The following VSTM2A variants were observed in gnomAD, a reference collection of about 807,000 sequenced individuals.
VSTM2A encodes V-set and transmembrane domain containing 2A.
In VSTM2A, 13 loss-of-function variants were observed where a neutral mutation model predicts 27.3. The observed-to-expected ratio is 0.48, with a 90% confidence interval of 0.31 to 0.76. The LOEUF (loss-of-function observed/expected upper bound fraction) is 0.76, where lower values mean the gene tolerates loss of function less well. Ranked by LOEUF, VSTM2A falls within the 30% of genes least tolerant of loss-of-function variation. VSTM2A has a pLI of 0.05. For synonymous variants in VSTM2A, 142 were observed against 125.7 expected, an observed-to-expected ratio of 1.13 and a Z score of -0.87; for missense variants, 280 against 310.0, an observed-to-expected ratio of 0.90 and a Z score of 0.73.
chr7:54,545,990 G>A (rs1787948449), intron 2 of VSTM2A, among the ~76,000 whole-genome samples: 1 of 94,144 alleles, frequency 1.1e-5, no homozygotes, highest in Non-Finnish European at 2.1e-5. Flanking sequence ...GAGAGAGAAT[G>A]AGGGGGGAAG....
chr7:54,553,472 G>T (rs1486076072), intron 4 of VSTM2A, among the ~76,000 whole-genome samples: 5 of 152,012 alleles, frequency 3.3e-5, no homozygotes, highest in African/African-American at 4.8e-5. Context: ...ACTTTTTTTG[G>T]CTCTATTTGC....
At chr7:54,567,524 A>G (rs183762729) in intron 4 of VSTM2A, among the ~76,000 whole-genome samples, 1 of 152,204 alleles carries the variant, frequency 6.6e-6, no homozygotes, top group African/African-American at 2.4e-5. Flanking sequence ...TGAAGGGTTG[A>G]TTAATTAAGA....
chr7:54,544,534 T>C (rs1049281464), intron 1 of VSTM2A, 88 bp from the exon 2 acceptor site: 2 of 1,543,642 alleles, frequency 1.3e-6, no homozygotes, highest in African/African-American at 2.7e-5. Context: ...GCTATTTAAG[T>C]CCAGGAAAAA....
At chr7:54,564,406 GC>G (rs1348821362) in intron 4 of VSTM2A, among the ~76,000 whole-genome samples, 13 of 152,198 alleles carry the variant, frequency 8.5e-5, no homozygotes, top group Non-Finnish European at 1.5e-4. Flanking sequence ...GCCTAATGCT[GC>G]AGAACGATGC....
rs539528541 is a variant in VSTM2A, at chr7:54,542,577, T to C, written c.-154T>C. On this transcript the variant is annotated 5_prime_UTR_variant, in exon 1 of 5. Coordinates refer to ENST00000402613, the MANE Select transcript of VSTM2A (RefSeq NM_001301009.2). The stretch of plus-strand genomic sequence containing the variant: ...CTAACCTTCCAGAATCGCAATCCCT[T>C]CTCCCCACAGCCAGCCCTCGCCAAG... 1.3e-4 allele frequency: 89 copies of C among 663,910 alleles called. 1 individual carries two copies. The South Asian group carries it at 1.6e-3, about 12-fold the overall frequency. 41.1% of individuals were successfully genotyped at this position (663,910 alleles called of 1,614,324 possible). A position where few individuals can be genotyped will look rare whatever the true frequency, so the allele number is the denominator to read the frequency against.
At chr7:54,564,711 C>A (rs141680172) in intron 4 of VSTM2A, among the ~76,000 whole-genome samples, 13 of 152,148 alleles carry the variant, frequency 8.5e-5, no homozygotes, top group Non-Finnish European at 1.8e-4. Context: ...TGGGCCCAGA[C>A]TACCAAATTT....
chr7:54,542,884 G>A, intron 1 of VSTM2A, 75 bp downstream of exon 1: 2 of 1,389,902 alleles, frequency 1.4e-6, no homozygotes, highest in Non-Finnish European at 2.0e-6. Context: ...AGAATGGACA[G>A]GCAGATAGAA....
chr7:54,547,514 A>G (rs1213584642), intron 3 of VSTM2A, among the ~76,000 whole-genome samples: 1 of 152,178 alleles, frequency 6.6e-6, no homozygotes, highest in African/African-American at 2.4e-5. Flanking sequence ...AGCCAATATA[A>G]ATGTAAAACC....
chr7:54,545,229 C>T (rs1354806523), intron 2 of VSTM2A, among the ~76,000 whole-genome samples: 1 of 151,854 alleles, frequency 6.6e-6, no homozygotes, highest in East Asian at 2.0e-4. Context: ...GCTGAACAAC[C>T]AGAGAACCAG....
chr7:54,557,074 A>G (rs1375987916), intron 4 of VSTM2A: 1 of 152,182 alleles, frequency 6.6e-6, no homozygotes, highest in Non-Finnish European at 1.5e-5. Context: ...ACACACCCTA[A>G]AAGAGCAAGA....
intron 4 of VSTM2A, among the ~76,000 whole-genome samples, chr7:54,563,233 A>G (rs1788617138): frequency 6.6e-6 from 1 of 152,202 alleles, no homozygotes; most frequent in Non-Finnish European, 1.5e-5. Context: ...TATTTGTACC[A>G]TCTTAGCTCT....
In VSTM2A at chr7:54,569,155, C is replaced by A; in HGVS notation, c.659C>A (p.Ser220Tyr). The A allele has an allele frequency of 6.4e-7, 1 of 1,554,384 alleles. No individual in the cohort carries two copies. Among genetic ancestry groups the A allele is most frequent in the Non-Finnish European group, 8.7e-7 (1 of 1,148,124 alleles). Residue 220 changes from serine to tyrosine, a missense_variant, in exon 5 of 5, where the codon TCT becomes TAT. Transcript: ENST00000402613. ...GCAAAGAGCAAATCGCCTGTAAAAT[C>A]TACGGAGCGGACAGCAAAGTTGACC... ...QSAKSKSPVK[S>Y]TERTAKLTLN...
chr7:54,565,785 A>G (rs535178811), intron 4 of VSTM2A, among the ~76,000 whole-genome samples: 3 of 152,368 alleles, frequency 2.0e-5, no homozygotes, highest in Admixed American at 2.0e-4. Flanking sequence ...AATGAAATAT[A>G]TGGAATTTCT....
chr7:54,564,836 A>G (rs545639512), intron 4 of VSTM2A, among the ~76,000 whole-genome samples: 2 of 141,356 alleles, frequency 1.4e-5, no homozygotes, highest in South Asian at 2.4e-4. Flanking sequence ...TGTAAGCTGT[A>G]AAAGTCTATG....
chr7:54,546,668 G>T (rs1787997445), intron 2 of VSTM2A: 5 of 363,132 alleles, frequency 1.4e-5, no homozygotes, highest in Non-Finnish European at 2.0e-5. Flanking sequence ...CATCCGCGCG[G>T]CAGGGACAGC....
At chr7:54,564,125 C>A (rs2115923643) in intron 4 of VSTM2A, among the ~76,000 whole-genome samples, 1 of 152,298 alleles carries the variant, frequency 6.6e-6, no homozygotes, top group Non-Finnish European at 1.5e-5. Flanking sequence ...AATGGACACT[C>A]AGTTCTTCAT....
At chr7:54,553,986 A>G in intron 4 of VSTM2A, 5 of 1,553,134 alleles carry the variant, frequency 3.2e-6, no homozygotes, top group Non-Finnish European at 3.5e-6. Context: ...AACGTCACAC[A>G]GAACTGTGAA....
At position 54,549,873 on chromosome 7, in the gene VSTM2A, C is replaced by A; in HGVS notation, c.337C>A (p.Gln113Lys). ...AGGCAATGACATCTCCCACAAGCTT[C>A]AGATTTCCAAAGTGAGGAAAAAGGA... ...VQGNDISHKL[Q>K]ISKVRKKDEG... The change falls in exon 4 of 5, where the codon CAG (glutamine) becomes AAG (lysine). Residue 113 changes from glutamine (Q) to lysine (K), a missense_variant. By Grantham distance (53) the Gln-to-Lys change is moderately conservative. Coordinates refer to ENST00000402613, the MANE Select transcript of VSTM2A (RefSeq NM_001301009.2). 6.2e-7 allele frequency: 1 copy of A among 1,610,426 alleles called. No homozygotes were observed. The highest frequency in any genetic ancestry group is 8.5e-7 in the Non-Finnish European group (1 of 1,178,596).
At chr7:54,550,979 A>C (rs868409773) in intron 4 of VSTM2A, 2 of 152,084 alleles carry the variant, frequency 1.3e-5, no homozygotes, top group Admixed American at 6.5e-5. Flanking sequence ...AAACATACTG[A>C]CTTTATCCTT....
Sources: gnomAD v4.1 joint callset for allele counts (sites outside exome capture counted in the v4.1 genomes callset) on GRCh38, gnomAD v4.1.1 for gene constraint, MANE v1.5 for transcripts, NCBI Gene and HGNC (gene_info 2026-07-23, HGNC 2026-07-21) for gene names.